CPNE1: variants seen among roughly 807,000 people sequenced by gnomAD.
CPNE1 encodes the protein copine 1, also known as copine-1.
In CPNE1, 58 loss-of-function variants were observed where a neutral mutation model predicts 63.2. That is an observed-to-expected ratio of 0.92 (90% CI 0.74 to 1.14). The LOEUF (loss-of-function observed/expected upper bound fraction) is 1.14, where lower values mean the gene tolerates loss of function less well. Ranked by LOEUF, CPNE1 falls within the 50% of genes most tolerant of loss-of-function variation. The pLI is 0.00. For missense variants in CPNE1, 672 were observed against 661.7 expected, an observed-to-expected ratio of 1.02 and a Z score of -0.17; for synonymous variants, 237 against 249.0, an observed-to-expected ratio of 0.95 and a Z score of 0.45.
At chr20:35,655,181 C>G (rs2033823111) in intron 1 of CPNE1, 1 of 1,614,042 alleles carries the variant, frequency 6.2e-7, no homozygotes, top group Non-Finnish European at 8.5e-7. Flanking sequence ...TCATCAGTGG[C>G]AAAAACGATG....
intron 1 of CPNE1, chr20:35,654,626 G>C: frequency 6.2e-7 from 1 of 1,614,186 alleles, no homozygotes; most frequent in Non-Finnish European, 8.5e-7. Flanking sequence ...GTCATGGGTG[G>C]CACAGAAGGA....
At chr20:35,634,385 G>A (rs1376827094) in intron 1 of CPNE1, among the ~76,000 whole-genome samples, 2 of 151,566 alleles carry the variant, frequency 1.3e-5, no homozygotes, top group Non-Finnish European at 2.9e-5. Flanking sequence ...CTTGAGGTCA[G>A]GAGTTCGAGA....
rs764525085 is a variant in CPNE1, at chr20:35,652,651, T to C, written c.-1+12109A>G. The C allele has an allele frequency of 1.2e-5, 19 of 1,614,034 alleles. 1 individual carries two copies. The highest frequency in any genetic ancestry group is 9.9e-5 in the South Asian group (9 of 91,086). ...TTCACCTGTGGGCATACCTTTTTCA[T>C]TGTATTTTAAACACACTGAGCCTGG... On this transcript the variant is annotated intron_variant, in intron 1 of 15. Coordinates refer to ENST00000397443, the MANE Select transcript of CPNE1 (RefSeq NM_152925.3).
Position 35,627,353 on chromosome 20 carries a change from G to A in CPNE1, c.1163C>T (p.Pro388Leu). The part of the protein sequence containing the change: ...QALPQVRLYG[P>L]TNFAPIINHV... ...GTTGATGATGGGTGCAAAGTTGGTA[G>A]GGCCATAGAGGCGAACTTGGGGCAG... The change falls in exon 14 of 16, where the codon CCT (proline) becomes CTT (leucine). Residue 388 changes from proline (P) to leucine (L), a missense_variant. Physicochemically the swap from Pro to Leu is moderately conservative, Grantham distance 98. Coordinates refer to ENST00000397443, the MANE Select transcript of CPNE1 (RefSeq NM_152925.3). The A allele has an allele frequency of 1.9e-6, 3 of 1,614,182 alleles. No homozygotes were observed. Among genetic ancestry groups the A allele is most frequent in the Non-Finnish European group, 2.5e-6 (3 of 1,180,030 alleles).
intron 1 of CPNE1, chr20:35,654,184 C>T: frequency 6.2e-7 from 1 of 1,614,250 alleles, no homozygotes; most frequent in Non-Finnish European, 8.5e-7. Context: ...TACCCACTGT[C>T]TTTCTGTGGC....
intron 1 of CPNE1, among the ~76,000 whole-genome samples, chr20:35,647,128 T>A (rs2146323786): frequency 6.6e-6 from 1 of 151,816 alleles, no homozygotes; most frequent in East Asian, 1.9e-4. Flanking sequence ...CTGGCCAACA[T>A]GGTGAAACCC....
chr20:35,658,360 C>G (rs1028601709), intron 1 of CPNE1, among the ~76,000 whole-genome samples: 2 of 152,210 alleles, frequency 1.3e-5, no homozygotes, highest in African/African-American at 4.8e-5. Flanking sequence ...TACTGCCTAT[C>G]AGGAAAATCA....
At chr20:35,632,492 G>T in intron 3 of CPNE1, 25 bp downstream of exon 3, 1 of 1,611,912 alleles carries the variant, frequency 6.2e-7, no homozygotes, top group Non-Finnish European at 8.5e-7. Flanking sequence ...GCATCTGAAG[G>T]ATCCTAATCC....
At chr20:35,639,306 T>C (rs773459346) in intron 1 of CPNE1, among the ~76,000 whole-genome samples, 1 of 152,178 alleles carries the variant, frequency 6.6e-6, no homozygotes, top group Non-Finnish European at 1.5e-5. Flanking sequence ...CTTTGCTACA[T>C]GTTGAAAATT....
intron 1 of CPNE1, among the ~76,000 whole-genome samples, chr20:35,660,479 A>G (rs779198927): frequency 1.3e-5 from 2 of 152,158 alleles, no homozygotes; most frequent in African/African-American, 4.8e-5. Context: ...TCAGCCTCCC[A>G]AAGTGCTGAG....
intron 13 of CPNE1, among the ~76,000 whole-genome samples, chr20:35,629,993 T>C (rs2032008107): frequency 6.6e-6 from 1 of 152,090 alleles, no homozygotes; most frequent in Admixed American, 6.6e-5. Flanking sequence ...GAGGCCTAGC[T>C]CTAAAATCCA....
intron 1 of CPNE1, among the ~76,000 whole-genome samples, chr20:35,642,227 G>A (rs1423561529): frequency 6.6e-6 from 1 of 152,168 alleles, no homozygotes; most frequent in Non-Finnish European, 1.5e-5. Context: ...TCATTTGTCA[G>A]TCCTTAACAC....
At chr20:35,631,613 A>C (rs377676937) in intron 7 of CPNE1, 35 bp from the exon 8 acceptor site, 31 of 1,609,192 alleles carry the variant, frequency 1.9e-5, no homozygotes, top group African/African-American at 2.7e-5. Flanking sequence ...TAAACAAGCC[A>C]GGTGGCAGAT....
chr20:35,633,067 G>T (rs2032274227), intron 1 of CPNE1, 144 bp from the exon 2 acceptor site: 3 of 662,580 alleles, frequency 4.5e-6, no homozygotes, highest in Non-Finnish European at 7.7e-6. Context: ...GGAAGAGAAG[G>T]CCTCATAGCC....
intron 1 of CPNE1, among the ~76,000 whole-genome samples, chr20:35,639,339 AC>A (rs2032670224): frequency 6.6e-6 from 1 of 152,096 alleles, no homozygotes; most frequent in Non-Finnish European, 1.5e-5. Flanking sequence ...TGTTGGGGAA[AC>A]TATTATTTTT....
At position 35,630,448 on chromosome 20, in the gene CPNE1, A is replaced by AG. The variant is rs2032046574; in HGVS notation, c.1092dup (p.Tyr365LeufsTer58). 1.2e-6 allele frequency: 2 copies of AG among 1,614,018 alleles called. No homozygotes were observed. Among genetic ancestry groups the AG allele is most frequent in the Admixed American group, 3.3e-5 (2 of 60,010 alleles). On this transcript the variant is annotated frameshift_variant, in exon 13 of 16. Transcript: ENST00000397443. LOFTEE classifies it high-confidence loss of function. ...GGATGGGGAAACTTACCTGCACAGTAGGGGTTACTGGGGTTGAAATTCAAG... is the reference window on the plus strand; with the variant it reads ...GGATGGGGAAACTTACCTGCACAGTAGGGGGTTACTGGGGTTGAAATTCAAG...
intron 6 of CPNE1, 27 bp from the exon 7 acceptor site, chr20:35,631,804 T>G: frequency 6.3e-7 from 1 of 1,589,658 alleles, no homozygotes; most frequent in Non-Finnish European, 8.6e-7. Context: ...AGGCCTCCAG[T>G]GAGCTCTGGC....
intron 1 of CPNE1, among the ~76,000 whole-genome samples, chr20:35,661,465 A>G (rs1005492191): frequency 1.3e-5 from 2 of 152,246 alleles, no homozygotes; most frequent in African/African-American, 4.8e-5. Context: ...CATACAGCAT[A>G]ATGATAGGAA....
chr20:35,652,640 T>C (rs1223944550), intron 1 of CPNE1: 1 of 1,614,220 alleles, frequency 6.2e-7, no homozygotes, highest in South Asian at 1.1e-5. Flanking sequence ...CCTGTGGGCA[T>C]ACCTTTTTCA....
Sources: gnomAD v4.1 joint callset for allele counts (sites outside exome capture counted in the v4.1 genomes callset) on GRCh38, gnomAD v4.1.1 for gene constraint, MANE v1.5 for transcripts, NCBI Gene and HGNC (gene_info 2026-07-23, HGNC 2026-07-21) for gene names.